Variants in FXYD6 observed in about 807,000 individuals in gnomAD.
FXYD6 encodes the protein FXYD domain-containing ion transport regulator 6.
A neutral mutation model predicts 16.7 loss-of-function variants in FXYD6; 7 were observed. The ratio of observed to expected loss-of-function variants is 0.42; its 90% CI spans 0.24 to 0.79. FXYD6 has a LOEUF of 0.79. Ranked by LOEUF, FXYD6 falls within the 30% of genes least tolerant of loss-of-function variation. The pLI, the probability that FXYD6 is intolerant of heterozygous loss-of-function variation, is 0.28. For missense variants in FXYD6, 111 were observed against 116.2 expected, an observed-to-expected ratio of 0.95 and a Z score of 0.21; for synonymous variants, 49 against 43.0, an observed-to-expected ratio of 1.14 and a Z score of -0.54.
At chr11:117,871,407 G>A (rs1033100069) in intron 1 of FXYD6, among the ~76,000 whole-genome samples, 1 of 151,194 alleles carries the variant, frequency 6.6e-6, no homozygotes, top group Non-Finnish European at 1.5e-5. Context: ...ACTGTGCCAG[G>A]CACCGTGGGG....
chr11:117,858,681 TTCTTTCTTTCTTTCTTTC>T (rs2056809812), intron 1 of FXYD6, among the ~76,000 whole-genome samples: 2 of 87,734 alleles, frequency 2.3e-5, no homozygotes, highest in African/African-American at 1.0e-4. Context: ...CTTTCTTTCT[TTCTTTCTTTCTTTCTTTC>T]TTTCTCTCTC....
intron 1 of FXYD6, chr11:117,844,184 C>T (rs1027656617): frequency 6.6e-6 from 1 of 152,488 alleles, no homozygotes; most frequent in Non-Finnish European, 1.5e-5. Flanking sequence ...CGACTGCATC[C>T]ACAGCCACGT....
At chr11:117,873,173 G>A (rs1470595317) in intron 1 of FXYD6, among the ~76,000 whole-genome samples, 4 of 152,104 alleles carry the variant, frequency 2.6e-5, no homozygotes. Flanking sequence ...GCCACACTGG[G>A]TGAAAAGGAA....
chr11:117,853,763 G>T (rs1305457337), intron 1 of FXYD6, among the ~76,000 whole-genome samples: 3 of 152,130 alleles, frequency 2.0e-5, no homozygotes, highest in Non-Finnish European at 4.4e-5. Context: ...TAAGTGTTGG[G>T]ATTTCAGGCA....
chr11:117,856,463 C>T (rs909121787), intron 1 of FXYD6, among the ~76,000 whole-genome samples: 11 of 152,250 alleles, frequency 7.2e-5, no homozygotes, highest in African/African-American at 2.4e-4. Context: ...GCTCAGCCCA[C>T]GGATGACAAG....
At chr11:117,846,065 C>A (rs1341646730) in intron 1 of FXYD6, among the ~76,000 whole-genome samples, 1 of 152,214 alleles carries the variant, frequency 6.6e-6, no homozygotes, top group African/African-American at 2.4e-5. Context: ...CCACCAGCTG[C>A]ATATCACTGT....
chr11:117,841,578 A>G (rs2056344934), intron 4 of FXYD6: 1 of 621,562 alleles, frequency 1.6e-6, no homozygotes, highest in Non-Finnish European at 2.8e-6. Flanking sequence ...ATCTATGCTC[A>G]TTGTCATATG....
intron 5 of FXYD6, 32 bp downstream of exon 5, chr11:117,841,115 AC>A (rs771313564): frequency 3.1e-6 from 5 of 1,612,282 alleles, no homozygotes; most frequent in African/African-American, 2.7e-5. Context: ...ACCTAGTATC[AC>A]CCCCCCAAGG....
At chr11:117,845,033 A>T (rs1165797382) in intron 1 of FXYD6, among the ~76,000 whole-genome samples, 2 of 152,220 alleles carry the variant, frequency 1.3e-5, no homozygotes, top group African/African-American at 4.8e-5. Context: ...GCCATCTTAA[A>T]CTGTACAATT....
intron 4 of FXYD6, 157 bp downstream of exon 4, chr11:117,841,634 T>A: frequency 2.8e-6 from 2 of 718,262 alleles, no homozygotes; most frequent in Non-Finnish European, 4.7e-6. Context: ...GCACTTACTA[T>A]GTGCCCAGCA....
intron 1 of FXYD6, among the ~76,000 whole-genome samples, chr11:117,851,013 A>G (rs12278825): frequency 0.022 from 3,282 of 152,280 alleles, 104 homozygotes; most frequent in African/African-American, 0.074. Context: ...TACATATGCT[A>G]TTATTGGAGA....
intron 1 of FXYD6, among the ~76,000 whole-genome samples, chr11:117,848,363 G>A (rs564976451): frequency 8.9e-4 from 133 of 148,748 alleles, no homozygotes; most frequent in African/African-American, 3.2e-3. Flanking sequence ...ATTATCAAGT[G>A]TTAAATCATC....
chr11:117,850,219 T>C (rs1216738759), intron 1 of FXYD6, among the ~76,000 whole-genome samples: 2 of 152,264 alleles, frequency 1.3e-5, no homozygotes, highest in East Asian at 3.8e-4. Context: ...GTCTTCTGAA[T>C]AAATCTTTTC....
intron 1 of FXYD6, among the ~76,000 whole-genome samples, chr11:117,851,307 C>T (rs780329704): frequency 8.5e-5 from 13 of 152,292 alleles, no homozygotes; most frequent in Admixed American, 2.0e-4. Context: ...CCCTCCCTCT[C>T]GGATTGCTTG....
intron 1 of FXYD6, among the ~76,000 whole-genome samples, chr11:117,858,732 CCT>C: frequency 1.4e-4 from 9 of 62,218 alleles, no homozygotes; most frequent in African/African-American, 5.3e-4. Context: ...TCCCTTCCTT[CCT>C]TCCTTCCTTC....
intron 7 of FXYD6, chr11:117,838,574 GAA>G: frequency 8.6e-6 from 3 of 350,528 alleles, no homozygotes; most frequent in Non-Finnish European, 1.6e-5. Flanking sequence ...ACTAGTTTGG[GAA>G]AAAAAAAATG....
At chr11:117,856,996 GCCCACCC>G (rs67977654) in intron 1 of FXYD6, among the ~76,000 whole-genome samples, 9,755 of 152,180 alleles carry the variant, frequency 0.064, 338 homozygotes, top group African/African-American at 0.094. Context: ...GGAAGGCTGA[GCCCACCC>G]CAATGCCAAA....
At chr11:117,873,211 C>T (rs1040126837) in intron 1 of FXYD6, among the ~76,000 whole-genome samples, 25 of 152,288 alleles carry the variant, frequency 1.6e-4, no homozygotes, top group African/African-American at 6.0e-4. Context: ...CAGAGCCCAG[C>T]CCCTTCCTGC....
chr11:117,876,310 A>T (rs1462075893), intron 1 of FXYD6, among the ~76,000 whole-genome samples: 1 of 152,008 alleles, frequency 6.6e-6, no homozygotes. Flanking sequence ...AGCTCAAGGC[A>T]GCACCGAGAG....
Sources: gnomAD v4.1 joint callset for allele counts (sites outside exome capture counted in the v4.1 genomes callset) on GRCh38, gnomAD v4.1.1 for gene constraint, MANE v1.5 for transcripts, NCBI Gene and HGNC (gene_info 2026-07-23, HGNC 2026-07-21) for gene names.